SH3RF3: variants seen among roughly 807,000 people sequenced by gnomAD.
SH3RF3 encodes the protein E3 ubiquitin-protein ligase SH3RF3.
Under a neutral mutation model 66.3 loss-of-function variants are expected in SH3RF3, and 29 were observed. The observed-to-expected ratio is 0.44, with a 90% CI of 0.33 to 0.60. The LOEUF (loss-of-function observed/expected upper bound fraction) is 0.60, where lower values mean the gene tolerates loss of function less well. Among genes scored for constraint, SH3RF3 ranks in the 20% least tolerant of loss-of-function variants. SH3RF3 has a pLI of 0.04. For synonymous variants in SH3RF3, 583 were observed against 532.0 expected (o/e 1.10, Z -1.32); for missense variants, 1,194 against 1,190.9 (o/e 1.00, Z -0.04).
chr2:109,164,121 A>C (rs538330062), intron 1 of SH3RF3, among the ~76,000 whole-genome samples: 1 of 151,976 alleles, frequency 6.6e-6, no homozygotes, highest in African/African-American at 2.4e-5. Flanking sequence ...GTGTCTGTTA[A>C]ATCCTTAAGG....
chr2:109,236,902 G>C (rs1679662855), intron 1 of SH3RF3, among the ~76,000 whole-genome samples: 1 of 152,186 alleles, frequency 6.6e-6, no homozygotes, highest in Non-Finnish European at 1.5e-5. Context: ...AGGGGACAAG[G>C]CATAAGTATA....
intron 3 of SH3RF3, among the ~76,000 whole-genome samples, chr2:109,397,292 G>GT (rs71933882): frequency 6.6e-6 from 1 of 152,006 alleles, no homozygotes; most frequent in Non-Finnish European, 1.5e-5. Flanking sequence ...CATTTACTCA[G>GT]TTTTTTTCTG....
chr2:109,374,666 C>CA (rs1683342649), intron 3 of SH3RF3, among the ~76,000 whole-genome samples: 1 of 152,220 alleles, frequency 6.6e-6, no homozygotes, highest in Non-Finnish European at 1.5e-5. Flanking sequence ...GCAGACCCGT[C>CA]ACCTCACACT....
At chr2:109,481,643 C>T (rs571425177) in intron 8 of SH3RF3, among the ~76,000 whole-genome samples, 3 of 152,296 alleles carry the variant, frequency 2.0e-5, no homozygotes, top group South Asian at 2.1e-4. Flanking sequence ...GAAACCAAAG[C>T]GGCCAAGGGG....
At chr2:109,255,419 C>G (rs183263123) in intron 1 of SH3RF3, among the ~76,000 whole-genome samples, 4 of 152,248 alleles carry the variant, frequency 2.6e-5, no homozygotes, top group Non-Finnish European at 5.9e-5. Context: ...TCTCAATGAT[C>G]AGTATGAAGG....
intron 1 of SH3RF3, among the ~76,000 whole-genome samples, chr2:109,223,072 A>G (rs1679291415): frequency 6.6e-6 from 1 of 152,240 alleles, no homozygotes. Flanking sequence ...AGAGGCTGGC[A>G]CCACGCCCTG....
At chr2:109,262,080 C>T (rs1279097436) in intron 1 of SH3RF3, among the ~76,000 whole-genome samples, 1 of 152,192 alleles carries the variant, frequency 6.6e-6, no homozygotes, top group Non-Finnish European at 1.5e-5. Context: ...TGCCAGCAAG[C>T]ATGAGCAAGC....
At chr2:109,171,532 C>T (rs796569574) in intron 1 of SH3RF3, among the ~76,000 whole-genome samples, 13 of 152,376 alleles carry the variant, frequency 8.5e-5, no homozygotes, top group African/African-American at 2.2e-4. Flanking sequence ...GCTGTGGCTT[C>T]GCCCGCGGCG....
intron 1 of SH3RF3, among the ~76,000 whole-genome samples, chr2:109,332,398 G>A (rs367957003): frequency 1.3e-5 from 2 of 152,126 alleles, no homozygotes; most frequent in African/African-American, 2.4e-5. Flanking sequence ...TGACACTCCC[G>A]CGACTCCCCC....
intron 1 of SH3RF3, among the ~76,000 whole-genome samples, chr2:109,169,808 C>T (rs1677718619): frequency 6.6e-6 from 1 of 152,068 alleles, no homozygotes; most frequent in Non-Finnish European, 1.5e-5. Flanking sequence ...ATAGATTACT[C>T]AGAAAAAGAT....
At chr2:109,350,046 A>G (rs762277953) in intron 2 of SH3RF3, among the ~76,000 whole-genome samples, 18 of 152,244 alleles carry the variant, frequency 1.2e-4, no homozygotes, top group Non-Finnish European at 2.6e-4. Context: ...CACGAGCTGC[A>G]TCGGATCACC....
At chr2:109,336,823 C>T (rs573912778) in intron 1 of SH3RF3, among the ~76,000 whole-genome samples, 8 of 152,216 alleles carry the variant, frequency 5.3e-5, no homozygotes, top group African/African-American at 1.4e-4. Context: ...AATGGGGTGC[C>T]GAGGGACCCT....
chr2:109,427,594 C>T (rs752915420), intron 5 of SH3RF3, among the ~76,000 whole-genome samples: 47 of 152,192 alleles, frequency 3.1e-4, no homozygotes, highest in Non-Finnish European at 6.9e-4. Context: ...CTTCGGGAGT[C>T]CCTGCACACT....
chr2:109,184,668 C>G (rs563993284), intron 1 of SH3RF3, among the ~76,000 whole-genome samples: 2 of 152,338 alleles, frequency 1.3e-5, no homozygotes, highest in African/African-American at 4.8e-5. Flanking sequence ...CCAGCCCACA[C>G]TGGGCTGCCT....
chr2:109,469,190 G>GT (rs1314502640), intron 8 of SH3RF3, among the ~76,000 whole-genome samples: 1 of 152,190 alleles, frequency 6.6e-6, no homozygotes, highest in African/African-American at 2.4e-5. Context: ...CTTACACAGC[G>GT]TATTTCTTCT....
chr2:109,178,336 C>T (rs1020908350), intron 1 of SH3RF3, among the ~76,000 whole-genome samples: 4 of 152,104 alleles, frequency 2.6e-5, no homozygotes, highest in Non-Finnish European at 4.4e-5. Context: ...ATTGAGCCCC[C>T]GTGAATAATA....
chr2:109,181,242 A>G (rs1678067236), intron 1 of SH3RF3, among the ~76,000 whole-genome samples: 1 of 152,222 alleles, frequency 6.6e-6, no homozygotes, highest in Admixed American at 6.5e-5. Flanking sequence ...AACAGAACAG[A>G]GGATTCCTGT....
At chr2:109,471,944 C>G (rs1288255546) in intron 8 of SH3RF3, among the ~76,000 whole-genome samples, 1 of 152,194 alleles carries the variant, frequency 6.6e-6, no homozygotes, top group African/African-American at 2.4e-5. Flanking sequence ...GTAACTTGGT[C>G]TGAAGCAGGC....
intron 5 of SH3RF3, among the ~76,000 whole-genome samples, chr2:109,422,514 AG>A (rs1350767227): frequency 2.6e-5 from 4 of 152,216 alleles, no homozygotes; most frequent in African/African-American, 9.7e-5. Context: ...CGGAAACACA[AG>A]AAGGGTCTCA....
Sources: allele counts gnomAD v4.1 joint callset (sites outside exome capture counted in the v4.1 genomes callset), GRCh38; gene constraint gnomAD v4.1.1; transcripts MANE v1.5; gene names NCBI Gene and HGNC (gene_info 2026-07-23, HGNC 2026-07-21).